The following TINAG variants were observed in gnomAD, a reference collection of about 807,000 sequenced individuals.
TINAG encodes the protein tubulointerstitial nephritis antigen.
Under a neutral mutation model 72.7 loss-of-function variants are expected in TINAG, and 83 were observed. The observed-to-expected ratio is 1.14, with a 90% CI of 0.96 to 1.37. The LOEUF (loss-of-function observed/expected upper bound fraction) is 1.37. TINAG is among the 40% of genes most tolerant of loss of function. The pLI is 0.00. For synonymous variants in TINAG, 234 were observed against 189.9 expected (o/e 1.23, Z -1.91); for missense variants, 685 against 576.6 (o/e 1.19, Z -1.93).
At chr6:54,337,117 T>C (rs1336847365) in intron 4 of TINAG, among the ~76,000 whole-genome samples, 2 of 151,512 alleles carry the variant, frequency 1.3e-5, no homozygotes, top group Non-Finnish European at 1.5e-5. Flanking sequence ...TAACATGTAA[T>C]AATATGAGGA....
chr6:54,388,068 T>TA lies in TINAG; in HGVS notation c.1297-1721dup, dbSNP rs555485598. On this transcript the variant is annotated intron_variant, in intron 10 of 10. Transcript: ENST00000259782. ...AATGTAATTATGAAATTTTGGATAG[T>TA]AATAATCTTCAGCCATCCAAATGAG... 8.4e-4 allele frequency among the ~76,000 whole-genome samples: 128 copies of TA among 152,306 alleles called. 1 individual carries two copies. Among genetic ancestry groups the TA allele is most frequent in the African/African-American group, 2.7e-3 (112 of 41,580 alleles).
intron 1 of TINAG, among the ~76,000 whole-genome samples, chr6:54,318,878 A>T (rs1027835946): frequency 1.8e-4 from 27 of 152,122 alleles, no homozygotes; most frequent in African/African-American, 6.5e-4. Flanking sequence ...CAAGAGATTA[A>T]TTCTCATGCT....
chr6:54,373,485 A>T (rs2150977649), intron 9 of TINAG, among the ~76,000 whole-genome samples: 1 of 152,098 alleles, frequency 6.6e-6, no homozygotes, highest in East Asian at 1.9e-4. Flanking sequence ...TTGTGTTATT[A>T]TCTGCTTCTA....
rs112667050 is a variant in TINAG, at chr6:54,325,956, A to G, written c.510-846A>G. ...ATAAGAGCCTATCACATTATAAACG[A>G]TTTTGGTGATAAACATAGCAGGACA... On this transcript the variant is annotated intron_variant, in intron 3 of 10. Coordinates refer to ENST00000259782, the MANE Select transcript of TINAG (RefSeq NM_014464.4). Among the ~76,000 whole-genome samples, 152 of 152,272 alleles carry G rather than the reference A, an allele frequency of 1.0e-3. 4 individuals are homozygous for G. Among genetic ancestry groups the G allele is most frequent in the African/African-American group, 3.6e-3 (150 of 41,568 alleles).
At chr6:54,349,927 T>C (rs1785224023) in intron 7 of TINAG, 31 bp downstream of exon 7, 8 of 1,485,736 alleles carry the variant, frequency 5.4e-6, no homozygotes, top group East Asian at 2.4e-5. Flanking sequence ...TCAAGAATAG[T>C]TGGCTTTCTC....
At chr6:54,330,561 C>G (rs1001573585) in intron 4 of TINAG, among the ~76,000 whole-genome samples, 4 of 151,834 alleles carry the variant, frequency 2.6e-5, no homozygotes, top group African/African-American at 9.7e-5. Flanking sequence ...GAAGCAAGAG[C>G]AAACAAATTC....
At chr6:54,356,732 T>G (rs561492693) in intron 9 of TINAG, among the ~76,000 whole-genome samples, 65 of 151,986 alleles carry the variant, frequency 4.3e-4, no homozygotes, top group Non-Finnish European at 7.8e-4. Flanking sequence ...TTAATAAAAT[T>G]TAATTAAAAG....
In TINAG at chr6:54,352,748, T is replaced by TCC. The variant is rs1297656384; in HGVS notation, c.1126+1353_1126+1354dup. ...TTTTTTTTCTTTTTCCCTCTCTCTC[T>TCC]CCCTCTTTTTAAATCAATCAAACAA... On this transcript the variant is annotated intron_variant, in intron 8 of 10. Coordinates refer to ENST00000259782, the MANE Select transcript of TINAG (RefSeq NM_014464.4). 3.3e-5 allele frequency among the ~76,000 whole-genome samples: 5 copies of TCC among 151,700 alleles called. No individual in the cohort carries two copies. The East Asian group carries it at 9.7e-4, about 29-fold the overall frequency.
At chr6:54,349,384 A>C (rs1451919458) in intron 6 of TINAG, among the ~76,000 whole-genome samples, 4 of 152,042 alleles carry the variant, frequency 2.6e-5, no homozygotes, top group Non-Finnish European at 5.9e-5. Context: ...TTATATAAAC[A>C]GGTTGAAGGG....
chr6:54,309,733 G>A (rs1327717279), intron 1 of TINAG, among the ~76,000 whole-genome samples: 1 of 151,774 alleles, frequency 6.6e-6, no homozygotes, highest in Non-Finnish European at 1.5e-5. Flanking sequence ...ACCATAAATG[G>A]GTGATGGTGA....
At chr6:54,386,582 A>G (rs1243507340) in intron 10 of TINAG, among the ~76,000 whole-genome samples, 1 of 152,176 alleles carries the variant, frequency 6.6e-6, no homozygotes, top group Non-Finnish European at 1.5e-5. Context: ...CTCTCTCAAC[A>G]GAGTACCTTA....
intron 9 of TINAG, among the ~76,000 whole-genome samples, chr6:54,372,586 T>C (rs1342014022): frequency 6.6e-6 from 1 of 151,884 alleles, no homozygotes; most frequent in Non-Finnish European, 1.5e-5. Context: ...AACTGAAATA[T>C]GGATTGGTTG....
At chr6:54,356,619 T>C (rs1763048794) in intron 9 of TINAG, among the ~76,000 whole-genome samples, 1 of 151,188 alleles carries the variant, frequency 6.6e-6, no homozygotes, top group African/African-American at 2.4e-5. Context: ...CTTCTCTTGC[T>C]CTCTCTCTCT....
Position 54,336,384 on chromosome 6 carries a change from A to G in TINAG, c.625-6842A>G, listed in dbSNP as rs1010413594. Among the ~76,000 whole-genome samples the G allele has an allele frequency of 1.3e-4, 20 of 152,098 alleles. 1 individual carries two copies. The highest frequency in any genetic ancestry group is 3.6e-4 in the African/African-American group (15 of 41,416). The stretch of plus-strand genomic sequence containing the variant: ...CATTATTTGCAGCATTTTCTTTTAT[A>G]AAGAAAGGTGTAGGCCTGGATTTAT... On this transcript the variant is annotated intron_variant, in intron 4 of 10. Transcript: ENST00000259782.
At chr6:54,312,119 C>T (rs1272531266) in intron 1 of TINAG, among the ~76,000 whole-genome samples, 1 of 151,892 alleles carries the variant, frequency 6.6e-6, no homozygotes, top group African/African-American at 2.4e-5. Context: ...TACAGTGGCG[C>T]CATCATGGCT....
chr6:54,310,276 G>T (rs1027762325), intron 1 of TINAG, among the ~76,000 whole-genome samples: 2 of 151,686 alleles, frequency 1.3e-5, no homozygotes, highest in Non-Finnish European at 1.5e-5. Flanking sequence ...GTAAATGTGG[G>T]GTCTTGCTAT....
intron 10 of TINAG, among the ~76,000 whole-genome samples, chr6:54,383,696 C>T (rs185064979): frequency 4.1e-4 from 63 of 152,066 alleles, no homozygotes; most frequent in African/African-American, 1.4e-3. Flanking sequence ...TAGATGTAGG[C>T]TTTAAAATAA....
chr6:54,335,198 A>G (rs1005513854), intron 4 of TINAG, among the ~76,000 whole-genome samples: 2 of 152,198 alleles, frequency 1.3e-5, no homozygotes, highest in Admixed American at 6.5e-5. Context: ...AATGATTTAC[A>G]TTTCTTTCCC....
At chr6:54,384,016 C>T (rs116282407) in intron 10 of TINAG, among the ~76,000 whole-genome samples, 28 of 152,114 alleles carry the variant, frequency 1.8e-4, no homozygotes, top group East Asian at 3.9e-4. Flanking sequence ...TAGAATACTA[C>T]GCATCAATAA....
Sources: allele counts gnomAD v4.1 joint callset (sites outside exome capture counted in the v4.1 genomes callset), GRCh38; gene constraint gnomAD v4.1.1; transcripts MANE v1.5; gene names NCBI Gene and HGNC (gene_info 2026-07-23, HGNC 2026-07-21).